Variants in TBC1D8 observed in about 807,000 individuals in gnomAD.
TBC1D8 encodes BUB2-like protein 1.
A neutral mutation model predicts 118.8 loss-of-function variants in TBC1D8; 65 were observed. The observed-to-expected ratio is 0.55, with a 90% CI of 0.45 to 0.67. The LOEUF is 0.67. TBC1D8 is among the 30% of genes least tolerant of loss of function. The pLI, the probability that TBC1D8 is intolerant of heterozygous loss-of-function variation, is 0.00. For synonymous variants in TBC1D8, 566 were observed against 595.8 expected (o/e 0.95, Z 0.73); for missense variants, 1,376 against 1,471.2 (o/e 0.94, Z 1.06).
chr2:101,050,724 C>T, intron 4 of TBC1D8, 83 bp from the exon 5 acceptor site: 1 of 1,543,418 alleles, frequency 6.5e-7, no homozygotes, highest in Non-Finnish European at 8.8e-7. Flanking sequence ...CTATCCAAAG[C>T]TCTCCTTAGG....
At chr2:101,144,263 C>T (rs949434496) in intron 1 of TBC1D8, among the ~76,000 whole-genome samples, 1 of 152,164 alleles carries the variant, frequency 6.6e-6, no homozygotes, top group South Asian at 2.1e-4. Flanking sequence ...ATCTGGTTCA[C>T]CCTAAACAGA....
chr2:101,149,388 C>T (rs1403562943), intron 1 of TBC1D8, among the ~76,000 whole-genome samples: 1 of 152,182 alleles, frequency 6.6e-6, no homozygotes, highest in African/African-American at 2.4e-5. Context: ...GCTCTGCCCT[C>T]CGTGTCTGGA....
chr2:101,056,749 G>A (rs994796136), intron 3 of TBC1D8, among the ~76,000 whole-genome samples: 5 of 152,142 alleles, frequency 3.3e-5, no homozygotes, highest in Non-Finnish European at 5.9e-5. Flanking sequence ...CAGCAGGCAC[G>A]GCTGCAGGGT....
chr2:101,047,168 C>T (rs1225486188), intron 5 of TBC1D8, among the ~76,000 whole-genome samples: 3 of 152,206 alleles, frequency 2.0e-5, no homozygotes, highest in Admixed American at 2.0e-4. Flanking sequence ...AGGGCCTCCC[C>T]TGCGCCCTGT....
intron 1 of TBC1D8, among the ~76,000 whole-genome samples, chr2:101,118,963 C>T (rs545690960): frequency 5.0e-4 from 76 of 152,178 alleles, no homozygotes; most frequent in African/African-American, 1.7e-3. Flanking sequence ...AGAGCTGTGA[C>T]GACACCACTA....
intron 17 of TBC1D8, chr2:101,018,853 A>T: frequency 1.0e-6 from 1 of 957,532 alleles, no homozygotes; most frequent in Non-Finnish European, 1.5e-6. Flanking sequence ...AAGTCCAATT[A>T]GTATAATTAA....
At chr2:101,061,539 G>C (rs1251603685) in intron 2 of TBC1D8, among the ~76,000 whole-genome samples, 1 of 152,244 alleles carries the variant, frequency 6.6e-6, no homozygotes, top group East Asian at 1.9e-4. Flanking sequence ...ACTAAAGCCA[G>C]TGTTCTCATC....
intron 2 of TBC1D8, among the ~76,000 whole-genome samples, chr2:101,064,956 C>CG (rs1480532378): frequency 6.6e-6 from 1 of 152,196 alleles, no homozygotes; most frequent in Admixed American, 6.5e-5. Flanking sequence ...TCATCTGACT[C>CG]GGGCCTGGCT....
In TBC1D8 at chr2:101,032,487, A is replaced by G. The variant is rs532770843; in HGVS notation, c.1819-102T>C. 9 of 936,798 alleles carry G rather than the reference A, an allele frequency of 9.6e-6. No homozygotes were observed. The South Asian group carries it at 1.2e-4, about 12-fold the overall frequency. The allele number at this position is 936,798 out of a possible 1,614,324, so 58.0% of individuals were successfully genotyped here. ...AACAACCCACAAAAGTAAAGATTTC[A>G]TAGGTGAGAGATCCAGCATACACCA... is the stretch of plus-strand genomic sequence containing the variant. On this transcript the variant is annotated intron_variant, in intron 10 of 19. Coordinates refer to ENST00000409318, the MANE Select transcript of TBC1D8 (RefSeq NM_001330348.2).
intron 18 of TBC1D8, 34 bp from the exon 19 acceptor site, chr2:101,011,060 T>A: frequency 1.3e-6 from 2 of 1,595,050 alleles, no homozygotes; most frequent in Non-Finnish European, 1.7e-6. Flanking sequence ...GTGGTTTAAT[T>A]TAAATAAATT....
chr2:101,135,686 C>A (rs2104267045), intron 1 of TBC1D8, among the ~76,000 whole-genome samples: 1 of 152,366 alleles, frequency 6.6e-6, no homozygotes, highest in Non-Finnish European at 1.5e-5. Context: ...CATGGAAGGG[C>A]TGGAATTCCC....
At chr2:101,144,925 G>A (rs554218055) in intron 1 of TBC1D8, among the ~76,000 whole-genome samples, 54 of 152,242 alleles carry the variant, frequency 3.5e-4, no homozygotes, top group Non-Finnish European at 6.6e-4. Context: ...GCAACAGAGC[G>A]AGACTCTGTC....
intron 10 of TBC1D8, among the ~76,000 whole-genome samples, chr2:101,033,173 G>A (rs1474827798): frequency 6.6e-6 from 1 of 151,472 alleles, no homozygotes. Context: ...CTGGAATGCA[G>A]TGGCATGATC....
intron 17 of TBC1D8, among the ~76,000 whole-genome samples, chr2:101,017,565 A>G (rs1040117823): frequency 6.6e-6 from 1 of 152,180 alleles, no homozygotes; most frequent in Admixed American, 6.5e-5. Context: ...GAACGTCCCT[A>G]TGTGGCACAC....
chr2:101,010,664 C>G (rs1679134967), intron 19 of TBC1D8, among the ~76,000 whole-genome samples: 1 of 151,946 alleles, frequency 6.6e-6, no homozygotes, highest in Non-Finnish European at 1.5e-5. Flanking sequence ...GTGGGCAGAT[C>G]ACAAGGTGAG....
In TBC1D8 at chr2:101,022,159, T is replaced by C. The variant is rs535138033; in HGVS notation, c.2761+122A>G. The stretch of plus-strand genomic sequence containing the variant: ...GTGATATTTCAAAATCATAAGTTCA[T>C]GTCAGGCCAGTCACAAAAGTGTTAC... On this transcript the variant is annotated intron_variant, in intron 16 of 19. Coordinates refer to ENST00000409318, the MANE Select transcript of TBC1D8 (RefSeq NM_001330348.2). The C allele has an allele frequency of 6.7e-6, 10 of 1,481,736 alleles. No homozygotes were observed. In the Admixed American group the frequency reaches 7.0e-5, roughly 10 times the overall value. 91.8% of individuals were successfully genotyped at this position (1,481,736 alleles called of 1,614,324 possible).
intron 2 of TBC1D8, among the ~76,000 whole-genome samples, chr2:101,074,101 C>T (rs1674651792): frequency 6.6e-6 from 1 of 152,192 alleles, no homozygotes; most frequent in Admixed American, 6.5e-5. Context: ...TCATTTTTAG[C>T]TTTTGATATA....
chr2:101,116,832 G>A (rs1677841231), intron 1 of TBC1D8, among the ~76,000 whole-genome samples: 1 of 151,936 alleles, frequency 6.6e-6, no homozygotes, highest in Non-Finnish European at 1.5e-5. Flanking sequence ...AGTAGAGATG[G>A]AGTTTTGCCA....
intron 1 of TBC1D8, among the ~76,000 whole-genome samples, chr2:101,146,362 A>C (rs1336443843): frequency 2.0e-5 from 3 of 152,204 alleles, no homozygotes; most frequent in Admixed American, 6.5e-5. Flanking sequence ...GCCCATCACT[A>C]CTACAAATGC....
Sources: gnomAD v4.1 joint callset for allele counts (sites outside exome capture counted in the v4.1 genomes callset) on GRCh38, gnomAD v4.1.1 for gene constraint, MANE v1.5 for transcripts, NCBI Gene and HGNC (gene_info 2026-07-23, HGNC 2026-07-21) for gene names.